Variants in WDFY2 observed in about 807,000 individuals in gnomAD.
WDFY2 encodes the protein WD repeat and FYVE domain containing 2.
Under a neutral mutation model 56.4 loss-of-function variants are expected in WDFY2, and 36 were observed. The ratio of observed to expected loss-of-function variants is 0.64; its 90% confidence interval spans 0.49 to 0.84. The LOEUF is 0.84. Ranked by LOEUF, WDFY2 falls within the 40% of genes least tolerant of loss-of-function variation. The probability of loss-of-function intolerance (pLI) is 0.00; values close to 1 mark genes in which losing one functional copy is unlikely to be tolerated. For synonymous variants in WDFY2, 176 were observed against 183.7 expected (o/e 0.96, Z 0.34); for missense variants, 444 against 512.2 (o/e 0.87, Z 1.29).
intron 4 of WDFY2, among the ~76,000 whole-genome samples, chr13:51,710,017 A>G (rs1315176422): frequency 6.6e-6 from 1 of 152,232 alleles, no homozygotes; most frequent in African/African-American, 2.4e-5. Flanking sequence ...TCCCTGATGA[A>G]CATCAGTGCA....
chr13:51,660,490 C>T, intron 1 of WDFY2, 106 bp from the exon 2 acceptor site: 2 of 1,063,508 alleles, frequency 1.9e-6, no homozygotes, highest in Admixed American at 2.0e-5. Context: ...AGCCACCGCG[C>T]CTGGCCTCTC....
At chr13:51,725,695 AT>A (rs757477233) in intron 5 of WDFY2, among the ~76,000 whole-genome samples, 1,684 of 141,960 alleles carry the variant, frequency 0.012, 11 homozygotes, top group African/African-American at 0.024. Context: ...TATATACACA[AT>A]TTTTTTTTTT....
chr13:51,643,457 C>G (rs1955212441), intron 1 of WDFY2, among the ~76,000 whole-genome samples: 1 of 152,248 alleles, frequency 6.6e-6, no homozygotes, highest in South Asian at 2.1e-4. Context: ...TGACACAGAC[C>G]ATGCCCTCCC....
chr13:51,692,992 G>A (rs1941497477), intron 3 of WDFY2, among the ~76,000 whole-genome samples: 3 of 152,142 alleles, frequency 2.0e-5, no homozygotes, highest in South Asian at 2.1e-4. Context: ...AGAGGTGTTT[G>A]TAGTATTCTC....
intron 4 of WDFY2, among the ~76,000 whole-genome samples, chr13:51,718,425 A>G (rs1037794913): frequency 1.3e-5 from 2 of 152,160 alleles, no homozygotes; most frequent in Non-Finnish European, 2.9e-5. Context: ...CACTTTGTCC[A>G]TATGTAAAAT....
At chr13:51,674,245 T>C (rs1955851018) in intron 2 of WDFY2, among the ~76,000 whole-genome samples, 1 of 152,226 alleles carries the variant, frequency 6.6e-6, no homozygotes, top group South Asian at 2.1e-4. Flanking sequence ...ACATGGCTTC[T>C]GTGAATATGA....
intron 2 of WDFY2, among the ~76,000 whole-genome samples, chr13:51,664,133 C>T (rs191343122): frequency 6.6e-6 from 1 of 152,210 alleles, no homozygotes; most frequent in East Asian, 1.9e-4. Context: ...GCTTAAAAGG[C>T]AGAGTGTGAT....
chr13:51,698,580 C>G (rs1951922261), intron 3 of WDFY2, among the ~76,000 whole-genome samples: 1 of 152,148 alleles, frequency 6.6e-6, no homozygotes, highest in Admixed American at 6.5e-5. Context: ...CAATAGCATA[C>G]TAATGCTATT....
At chr13:51,610,566 A>G (rs752827799) in intron 1 of WDFY2, among the ~76,000 whole-genome samples, 2 of 152,198 alleles carry the variant, frequency 1.3e-5, no homozygotes, top group Non-Finnish European at 2.9e-5. Flanking sequence ...TTGAAGAGTA[A>G]GACAACCAAA....
chr13:51,600,257 A>T (rs1180055918), intron 1 of WDFY2, among the ~76,000 whole-genome samples: 1 of 152,194 alleles, frequency 6.6e-6, no homozygotes, highest in Admixed American at 6.5e-5. Context: ...CTAATGATAT[A>T]TAATGATGGA....
chr13:51,749,070 G>A (rs1953167860), intron 7 of WDFY2, among the ~76,000 whole-genome samples: 1 of 151,986 alleles, frequency 6.6e-6, no homozygotes, highest in African/African-American at 2.4e-5. Context: ...ACATTAGAAA[G>A]GCTCGCAAAA....
At chr13:51,715,735 G>T (rs576411559) in intron 4 of WDFY2, among the ~76,000 whole-genome samples, 1 of 152,084 alleles carries the variant, frequency 6.6e-6, no homozygotes, top group African/African-American at 2.4e-5. Flanking sequence ...ATTATTGTAG[G>T]TGCTGTACTT....
At chr13:51,641,224 T>A (rs1181300868) in intron 1 of WDFY2, among the ~76,000 whole-genome samples, 2 of 151,926 alleles carry the variant, frequency 1.3e-5, no homozygotes, top group Admixed American at 6.5e-5. Flanking sequence ...AGGCGCCTGC[T>A]GCGCCCGGCT....
chr13:51,718,604 T>A (rs970855768), intron 4 of WDFY2, among the ~76,000 whole-genome samples: 41 of 121,242 alleles, frequency 3.4e-4, no homozygotes, highest in East Asian at 9.7e-4. Flanking sequence ...ACACACACAC[T>A]GTAACATAAG....
intron 3 of WDFY2, among the ~76,000 whole-genome samples, chr13:51,684,918 C>G (rs1956036888): frequency 6.6e-6 from 1 of 152,188 alleles, no homozygotes. Flanking sequence ...ATCCAAAGTT[C>G]TATACACATT....
chr13:51,729,490 A>G (rs910198799), intron 6 of WDFY2, among the ~76,000 whole-genome samples: 6 of 147,526 alleles, frequency 4.1e-5, no homozygotes, highest in Non-Finnish European at 7.5e-5. Context: ...TTCTCTCCCC[A>G]CTTCTCCTCT....
intron 1 of WDFY2, among the ~76,000 whole-genome samples, chr13:51,623,378 G>A (rs1954777595): frequency 6.6e-6 from 1 of 152,116 alleles, no homozygotes; most frequent in African/African-American, 2.4e-5. Context: ...TGGGGAGAAC[G>A]ACAGGGATGT....
chr13:51,693,512 C>G (rs1335774175), intron 3 of WDFY2, among the ~76,000 whole-genome samples: 13 of 151,990 alleles, frequency 8.6e-5, no homozygotes, highest in Non-Finnish European at 1.3e-4. Context: ...TTTCTTAATC[C>G]TGAGTTCTAG....
chr13:51,707,070 A>G (rs1952098346), intron 4 of WDFY2, among the ~76,000 whole-genome samples: 1 of 152,260 alleles, frequency 6.6e-6, no homozygotes, highest in African/African-American at 2.4e-5. Context: ...CATTGAAATA[A>G]AAAATCAGTG....
Sources: allele counts gnomAD v4.1 joint callset (sites outside exome capture counted in the v4.1 genomes callset), GRCh38; gene constraint gnomAD v4.1.1; transcripts MANE v1.5; gene names NCBI Gene and HGNC (gene_info 2026-07-23, HGNC 2026-07-21).